PPP2R5B: variants seen among roughly 807,000 people sequenced by gnomAD.
The protein encoded by PPP2R5B is serine/threonine-protein phosphatase 2A 56 kDa regulatory subunit beta isoform.
PPP2R5B carries 19 observed loss-of-function variants against 59.9 expected under a neutral mutation model. That is an observed-to-expected ratio of 0.32 (90% CI 0.22 to 0.47). The LOEUF is 0.47. PPP2R5B is among the 20% of genes least tolerant of loss of function. The pLI, the probability that PPP2R5B is intolerant of heterozygous loss-of-function variation, is 1.00. For synonymous variants in PPP2R5B, 286 were observed against 260.5 expected (o/e 1.10, Z -0.94); for missense variants, 441 against 640.2 (o/e 0.69, Z 3.36).
chr11:64,920,943 C>CTATA (rs59230229), upstream of PPP2R5B, among the ~76,000 whole-genome samples: 29,315 of 134,668 alleles, frequency 0.22, 3,367 homozygotes, highest in East Asian at 0.43. Context: ...TCCAGCAGTT[C>CTATA]TATATATATA....
At chr11:64,921,758 G>A (rs974794539), upstream of PPP2R5B, among the ~76,000 whole-genome samples, 3 of 152,278 alleles carry the variant, frequency 2.0e-5, no homozygotes, top group South Asian at 6.2e-4. Context: ...GGAGAACAGG[G>A]GGATCTGGAA....
In PPP2R5B at chr11:64,925,617, C is replaced by A. The variant is rs1330948647; in HGVS notation, c.-118C>A. On this transcript the variant is annotated 5_prime_UTR_variant, in exon 2 of 14. Coordinates refer to ENST00000164133, the MANE Select transcript of PPP2R5B (RefSeq NM_006244.4). This position sits in a 1 kb window ranked among gnomAD's most constrained non-coding sequence, Gnocchi z 4.6. ...GGGGGCCCAGGACTGTGGTTGTGCC[C>A]CCCCCCCAAAGGCCGGACAGGATGG... The A allele has an allele frequency of 1.8e-6, 1 of 551,848 alleles. No homozygotes were observed. Among genetic ancestry groups the A allele is most frequent in the Non-Finnish European group, 3.2e-6 (1 of 309,966 alleles). The allele number at this position is 551,848 out of a possible 1,614,324, so 34.2% of individuals were successfully genotyped here.
Position 64,925,287 on chromosome 11 carries a change from G to A in PPP2R5B, c.-264-184G>A, listed in dbSNP as rs1945147709. 6.6e-6 allele frequency among the ~76,000 whole-genome samples: 1 copy of A among 152,194 alleles called. No individual in the cohort carries two copies. The highest frequency in any genetic ancestry group is 2.4e-5 in the African/African-American group (1 of 41,522). ...GGAGGGGTTGTTTTGGAGGCTTTCTGTCTGAGAGAAGGGAGGGACATGTCC... is the reference window on the plus strand; with the variant it reads ...GGAGGGGTTGTTTTGGAGGCTTTCTATCTGAGAGAAGGGAGGGACATGTCC... On this transcript the variant is annotated intron_variant, in intron 1 of 13. Coordinates refer to ENST00000164133, the MANE Select transcript of PPP2R5B (RefSeq NM_006244.4). The surrounding 1 kb of genome is among the most constrained non-coding windows in gnomAD (Gnocchi z 4.6).
chr11:64,925,632 G>A lies in PPP2R5B; in HGVS notation c.-103G>A, dbSNP rs928552746. On this transcript the variant is annotated 5_prime_UTR_variant, in exon 2 of 14. Transcript: ENST00000164133. The surrounding 1 kb of genome is among the most constrained non-coding windows in gnomAD (Gnocchi z 4.6). ...TGGTTGTGCCCCCCCCCCAAAGGCCGGACAGGATGGGACCAAGTTAGTCTG... is the reference window on the plus strand; with the variant it reads ...TGGTTGTGCCCCCCCCCCAAAGGCCAGACAGGATGGGACCAAGTTAGTCTG... 8 of 409,288 alleles carry A rather than the reference G, an allele frequency of 2.0e-5. No homozygotes were observed. Among genetic ancestry groups the A allele is most frequent in the East Asian group, 8.2e-5 (1 of 12,266 alleles). 25.4% of individuals were successfully genotyped at this position (409,288 alleles called of 1,614,324 possible).
rs769169952 is a variant in PPP2R5B at position 64,925,614 on chromosome 11, G to GCA, written c.-120_-119insAC. The stretch of plus-strand genomic sequence containing the variant: ...GGGGGGGGCCCAGGACTGTGGTTGT[G>GCA]CCCCCCCCCCAAAGGCCGGACAGGA... On this transcript the variant is annotated 5_prime_UTR_variant, in exon 2 of 14. Coordinates refer to ENST00000164133, the MANE Select transcript of PPP2R5B (RefSeq NM_006244.4). This position sits in a 1 kb window ranked among gnomAD's most constrained non-coding sequence, Gnocchi z 4.6. The GCA allele has an allele frequency of 1.1e-5, 5 of 451,014 alleles. No individual in the cohort carries two copies. The highest frequency in any genetic ancestry group is 7.1e-5 in the South Asian group (3 of 42,478). 27.9% of individuals were successfully genotyped at this position (451,014 alleles called of 1,614,324 possible). A position where few individuals can be genotyped will look rare whatever the true frequency, so the allele number is the denominator to read the frequency against.
chr11:64,926,941 G>A, intron 3 of PPP2R5B, 33 bp downstream of exon 3: 3 of 1,601,354 alleles, frequency 1.9e-6, no homozygotes, highest in Non-Finnish European at 2.6e-6. Flanking sequence ...CCGAGGGCCG[G>A]CCGAGAGGGC....
In PPP2R5B at chr11:64,928,334, G is replaced by A. The variant is rs1415654382; in HGVS notation, c.631G>A (p.Glu211Lys). ...TGATAGTGAGGATCCCCGGGAGCGT[G>A]AGTACCTCAAGACCATCCTGCACCG... is the stretch of plus-strand genomic sequence containing the variant. The part of the protein sequence containing the change: ...LFDSEDPRER[E>K]YLKTILHRVY... Residue 211 changes from glutamate to lysine, a missense_variant, in exon 6 of 14, where the codon GAG (glutamate) becomes AAG (lysine). By Grantham distance (56) the Glu-to-Lys change is moderately conservative. Around this residue, in one of 3 missense-constraint regions of PPP2R5B, gnomAD observed 268 missense variants for 488.1 expected, o/e 0.55. Coordinates refer to ENST00000164133, the MANE Select transcript of PPP2R5B (RefSeq NM_006244.4). The A allele has an allele frequency of 1.2e-6, 2 of 1,614,214 alleles. No individual in the cohort carries two copies. Among genetic ancestry groups the A allele is most frequent in the Non-Finnish European group, 1.7e-6 (2 of 1,180,040 alleles).
In PPP2R5B at chr11:64,918,899, C is replaced by T. The variant is rs1945079593; in HGVS notation, c.-265+1259C>T. ...GCCCACCGGGCAGGGACCTGTATTC[C>T]AGTCCCACCCATGGGTGGTTTCTTC... On this transcript the variant is annotated intron_variant, in intron 1 of 4. Transcript: ENST00000526559. 2.6e-5 allele frequency among the ~76,000 whole-genome samples: 4 copies of T among 152,352 alleles called. No individual in the cohort carries two copies. The South Asian group carries it at 8.3e-4, about 32-fold the overall frequency.
intron 1 of PPP2R5B, among the ~76,000 whole-genome samples, chr11:64,919,244 G>T (rs928428726): frequency 1.3e-5 from 2 of 152,166 alleles, no homozygotes; most frequent in Non-Finnish European, 2.9e-5. Flanking sequence ...TCGGGAGGCT[G>T]AGGCAGGAGA....
chr11:64,918,242 A>T (rs541269673), intron 1 of PPP2R5B: 1 of 152,332 alleles, frequency 6.6e-6, no homozygotes, highest in Admixed American at 6.5e-5. Flanking sequence ...CAAAGCCTAA[A>T]ATATTTATTT....
In PPP2R5B at chr11:64,931,977, G is replaced by GA; in HGVS notation, c.1116+109_1116+110insA. The GA allele has an allele frequency of 6.7e-7, 1 of 1,501,218 alleles. No homozygotes were observed. The highest frequency in any genetic ancestry group is 2.1e-5 in the Admixed American group (1 of 47,546). The allele number at this position is 1,501,218 out of a possible 1,614,324, so 93.0% of individuals were successfully genotyped here. On this transcript the variant is annotated intron_variant, in intron 11 of 13. Transcript: ENST00000164133. The surrounding 1 kb of genome is among the most constrained non-coding windows in gnomAD (Gnocchi z 5.0). ...CAGTTTCTCCTCCAATCCCGGGTCT[G>GA]GTAATGGGGAGATGCTGGACTTAGG... is the stretch of plus-strand genomic sequence containing the variant.
At chr11:64,928,916 C>A (rs544928557) in intron 6 of PPP2R5B, among the ~76,000 whole-genome samples, 12 of 150,916 alleles carry the variant, frequency 8.0e-5, no homozygotes, top group African/African-American at 2.9e-4. Context: ...TACAGTGAGC[C>A]GAGATCATGC....
intron 11 of PPP2R5B, among the ~76,000 whole-genome samples, chr11:64,932,280 C>T (rs1945234925): frequency 6.6e-6 from 1 of 152,138 alleles, no homozygotes; most frequent in Admixed American, 6.5e-5. Context: ...TGCAGCCAGG[C>T]TTCCCCGCAC....
chr11:64,925,215 G>A lies in PPP2R5B; in HGVS notation c.-265+187G>A, dbSNP rs367996170. ...TGAAAGGGGCAGGGATGACGATCGG[G>A]GCTCCATTCTGAGTCGGGGCTGGCT... On this transcript the variant is annotated intron_variant, in intron 1 of 13. Transcript: ENST00000164133. The surrounding 1 kb of genome is among the most constrained non-coding windows in gnomAD (Gnocchi z 4.6). Among the ~76,000 whole-genome samples the A allele has an allele frequency of 3.4e-4, 51 of 152,232 alleles. No individual in the cohort carries two copies. Among genetic ancestry groups the A allele is most frequent in the Admixed American group, 1.6e-3 (25 of 15,304 alleles).
intron 1 of PPP2R5B, among the ~76,000 whole-genome samples, chr11:64,918,036 T>C (rs1431484138): frequency 1.3e-5 from 2 of 152,264 alleles, no homozygotes; most frequent in African/African-American, 2.4e-5. Flanking sequence ...ATGGTTTTTA[T>C]GTCTTTTAAA....
rs772938921 is a variant in PPP2R5B at position 64,933,119 on chromosome 11, C to T, written c.1245-26C>T. The stretch of plus-strand genomic sequence containing the variant: ...TGGGCAAACCAAAGCTGTTTCATCT[C>T]CTCATCCCTCCTTGACACTGCCAAG... On this transcript the variant is annotated intron_variant, in intron 12 of 13. Transcript: ENST00000164133. The T allele has an allele frequency of 5.7e-6, 9 of 1,576,256 alleles. No homozygotes were observed. The African/African-American group carries it at 9.4e-5, about 17-fold the overall frequency.
intron 2 of PPP2R5B, 35 bp from the exon 3 acceptor site, chr11:64,926,677 T>C (rs777774386): frequency 5.6e-6 from 9 of 1,607,640 alleles, no homozygotes; most frequent in Non-Finnish European, 7.7e-6. Context: ...CTGGGGGAGC[T>C]GGGGCCCAGG....
At position 64,925,570 on chromosome 11, in the gene PPP2R5B, G is replaced by A. The variant is rs1590675383; in HGVS notation, c.-165G>A. The A allele has an allele frequency of 1.7e-6, 1 of 590,196 alleles. No homozygotes were observed. The highest frequency in any genetic ancestry group is 2.9e-5 in the East Asian group (1 of 34,680). 36.6% of individuals were successfully genotyped at this position (590,196 alleles called of 1,614,324 possible). A position where few individuals can be genotyped will look rare whatever the true frequency, so the allele number is the denominator to read the frequency against. ...TACCCTGTCTGCCCCCCAGGACTGGGCAGTTGCAGGAGGCCCTGGGGGGGG... is the reference window on the plus strand; with the variant it reads ...TACCCTGTCTGCCCCCCAGGACTGGACAGTTGCAGGAGGCCCTGGGGGGGG... On this transcript the variant is annotated 5_prime_UTR_variant, in exon 2 of 14. Transcript: ENST00000164133. The surrounding 1 kb of genome is among the most constrained non-coding windows in gnomAD (Gnocchi z 4.6).
chr11:64,924,746 C>T lies in PPP2R5B; in HGVS notation c.-547C>T, dbSNP rs1468288011. 1.3e-5 allele frequency: 2 copies of T among 152,308 alleles called. No individual in the cohort carries two copies. Among genetic ancestry groups the T allele is most frequent in the Non-Finnish European group, 2.9e-5 (2 of 68,090 alleles). The allele number at this position is 152,308 out of a possible 1,614,324, so 9.4% of individuals were successfully genotyped here. On this transcript the variant is annotated 5_prime_UTR_variant, in exon 1 of 14. Transcript: ENST00000164133. The stretch of plus-strand genomic sequence containing the variant: ...CGGTGCGCACGGAGCCGAGCCGGGG[C>T]TCCCGTTGCGCTGCACCGCGTTGGG...
Sources: allele counts gnomAD v4.1 joint callset (sites outside exome capture counted in the v4.1 genomes callset), GRCh38; gene constraint gnomAD v4.1.1; regional missense constraint gnomAD v4.1.1; non-coding constraint Gnocchi (gnomAD v3.1); transcripts MANE v1.5; gene names NCBI Gene and HGNC (gene_info 2026-07-23, HGNC 2026-07-21).